Variants in EIF5B observed in about 807,000 individuals in gnomAD.
The protein encoded by EIF5B is eIF-5B.
In EIF5B, 47 loss-of-function variants were observed where a neutral mutation model predicts 147.5. The observed-to-expected ratio is 0.32, with a 90% confidence interval of 0.25 to 0.41. The LOEUF is 0.41. Among genes scored for constraint, EIF5B ranks in the 10% least tolerant of loss-of-function variants. The pLI is 1.00. For synonymous variants in EIF5B, 455 were observed against 456.2 expected (o/e 1.00, Z 0.03); for missense variants, 1,064 against 1,413.2 (o/e 0.75, Z 3.96).
intron 14 of EIF5B, among the ~76,000 whole-genome samples, chr2:99,388,295 G>T (rs1042039213): frequency 1.1e-4 from 17 of 151,462 alleles, no homozygotes; most frequent in South Asian, 2.1e-4. Flanking sequence ...CTTCTTTATT[G>T]TACTAACTAG....
intron 1 of EIF5B, among the ~76,000 whole-genome samples, chr2:99,345,628 C>G (rs2094271163): frequency 6.7e-6 from 1 of 150,298 alleles, no homozygotes; most frequent in African/African-American, 2.4e-5. Flanking sequence ...TCTAACATGC[C>G]TTTCTGGTTG....
intron 12 of EIF5B, among the ~76,000 whole-genome samples, chr2:99,381,832 G>C (rs1674695669): frequency 6.6e-6 from 1 of 152,080 alleles, no homozygotes; most frequent in Non-Finnish European, 1.5e-5. Context: ...TTGCATGTCA[G>C]ATTTCTATAG....
intron 21 of EIF5B, among the ~76,000 whole-genome samples, chr2:99,395,215 G>C (rs1034300645): frequency 6.6e-6 from 1 of 152,196 alleles, no homozygotes; most frequent in Non-Finnish European, 1.5e-5. Context: ...GGAAAACCGG[G>C]AAATAAGAGA....
intron 12 of EIF5B, among the ~76,000 whole-genome samples, chr2:99,381,381 T>C (rs1322389598): frequency 6.6e-6 from 1 of 152,214 alleles, no homozygotes; most frequent in African/African-American, 2.4e-5. Context: ...GAAATAATTA[T>C]GGTGCTCAGT....
chr2:99,355,553 A>G (rs750293335), intron 1 of EIF5B, among the ~76,000 whole-genome samples: 12 of 151,024 alleles, frequency 7.9e-5, no homozygotes, highest in Non-Finnish European at 1.6e-4. Flanking sequence ...AACTATAAGT[A>G]ATATGATTGT....
At chr2:99,345,401 T>C (rs12987823) in intron 1 of EIF5B, among the ~76,000 whole-genome samples, 2 of 151,992 alleles carry the variant, frequency 1.3e-5, no homozygotes, top group Admixed American at 1.3e-4. Context: ...GAGACCAGCC[T>C]GGCCAACATA....
At chr2:99,396,656 A>ACTTT (rs1326350626) in intron 21 of EIF5B, 104 bp from the exon 22 acceptor site, 1 of 1,415,516 alleles carries the variant, frequency 7.1e-7, no homozygotes, top group Non-Finnish European at 9.4e-7. Context: ...CGCTGGGGAA[A>ACTTT]GCTGCTTTCC....
In EIF5B at chr2:99,390,240, T is replaced by C; in HGVS notation, c.2425T>C (p.Tyr809His). 1.2e-6 allele frequency: 2 copies of C among 1,614,094 alleles called. No individual in the cohort carries two copies. The highest frequency in any genetic ancestry group is 4.5e-5 in the East Asian group (2 of 44,860). ...CTAGGGTTTGAATGCTGCTTTGTTT[T>C]ATGAGAATAAAGATCCCCGCACTTT... ...AQQGLNAALFYENKDPRTFVS... is the reference protein window; with the variant it reads ...AQQGLNAALFHENKDPRTFVS... The change falls in exon 16 of 24, where the codon TAT becomes CAT. Residue 809 changes from tyrosine (Y) to histidine (H), a missense_variant. Around this residue, in one of 4 missense-constraint regions of EIF5B, gnomAD observed 380 missense variants for 715.6 expected, o/e 0.53. Transcript: ENST00000289371.
In EIF5B at chr2:99,390,364, T is replaced by G. The variant is rs1674898332; in HGVS notation, c.2549T>G (p.Leu850Arg). 1 of 1,613,884 alleles carries G rather than the reference T, an allele frequency of 6.2e-7. No individual in the cohort carries two copies. The highest frequency in any genetic ancestry group is 1.7e-5 in the Admixed American group (1 of 59,996). ...ELTQTMLSKR[L>R]AHCEELRAQV... is the part of the protein sequence containing the mutation. ...ACTCAGACCATGTTGAGCAAGAGAC[T>G]TGCACACTGTGAAGAGCTGAGAGCA... Residue 850 changes from leucine (L) to arginine (R), a missense_variant, in exon 16 of 24, where the codon CTT (leucine) becomes CGT (arginine). Physicochemically the swap from Leu to Arg is moderately radical, Grantham distance 102. This residue lies in a region of EIF5B where 380 missense variants were observed against 715.6 expected (regional missense o/e 0.53). Transcript: ENST00000289371.
intron 14 of EIF5B, among the ~76,000 whole-genome samples, chr2:99,386,975 ATC>A (rs2104240275): frequency 6.6e-6 from 1 of 152,294 alleles, no homozygotes; most frequent in South Asian, 2.1e-4. Context: ...CAGTGGCATT[ATC>A]TCAGCTCACT....
intron 1 of EIF5B, among the ~76,000 whole-genome samples, chr2:99,346,772 G>A (rs1279883064): frequency 1.3e-5 from 2 of 150,902 alleles, no homozygotes; most frequent in African/African-American, 2.4e-5. Flanking sequence ...GGGTTTCATC[G>A]CGTTAGCCAG....
intron 9 of EIF5B, among the ~76,000 whole-genome samples, chr2:99,373,528 C>A (rs905060130): frequency 2.0e-5 from 3 of 152,102 alleles, no homozygotes; most frequent in Non-Finnish European, 4.4e-5. Context: ...CAAAACCTTC[C>A]CCACCACCCT....
intron 14 of EIF5B, among the ~76,000 whole-genome samples, chr2:99,385,195 C>T (rs1208594376): frequency 1.3e-5 from 2 of 152,042 alleles, no homozygotes; most frequent in African/African-American, 4.8e-5. Flanking sequence ...TACAGGCATG[C>T]GCCACCACTC....
intron 1 of EIF5B, among the ~76,000 whole-genome samples, chr2:99,342,122 G>A (rs1338795545): frequency 3.3e-5 from 5 of 152,174 alleles, no homozygotes; most frequent in African/African-American, 9.7e-5. Flanking sequence ...TTTGACCATC[G>A]TTCATGTATG....
chr2:99,399,623 C>T lies in EIF5B; in HGVS notation c.*209C>T. The T allele has an allele frequency of 4.0e-6, 2 of 505,734 alleles. No homozygotes were observed. The highest frequency in any genetic ancestry group is 4.4e-5 in the South Asian group (2 of 45,782). 31.3% of individuals were successfully genotyped at this position (505,734 alleles called of 1,614,324 possible). ...GGTCAGTTACATGTCCCCACAGTTC[C>T]AATGTGCCTGTTCACTCACCTCTCC... is the stretch of plus-strand genomic sequence containing the variant. On this transcript the variant is annotated 3_prime_UTR_variant, in exon 24 of 24. Coordinates refer to ENST00000289371, the MANE Select transcript of EIF5B (RefSeq NM_015904.4).
intron 1 of EIF5B, among the ~76,000 whole-genome samples, chr2:99,345,698 A>G (rs1574917668): frequency 1.3e-5 from 2 of 151,834 alleles, no homozygotes; most frequent in South Asian, 2.1e-4. Context: ...TAATCCCAGC[A>G]CTTTGGGAGG....
chr2:99,355,761 T>C (rs1674084688), intron 1 of EIF5B, among the ~76,000 whole-genome samples: 1 of 151,756 alleles, frequency 6.6e-6, no homozygotes, highest in Non-Finnish European at 1.5e-5. Context: ...TACAGGCATG[T>C]GCCACCACGT....
intron 15 of EIF5B, 44 bp downstream of exon 15, chr2:99,389,893 T>C (rs1674887580): frequency 6.4e-7 from 1 of 1,560,726 alleles, no homozygotes; most frequent in African/African-American, 1.4e-5. Flanking sequence ...TCTCAGAATA[T>C]GTATTATATT....
At chr2:99,352,837 A>G (rs904587961) in intron 1 of EIF5B, among the ~76,000 whole-genome samples, 2 of 151,740 alleles carry the variant, frequency 1.3e-5, no homozygotes, top group African/African-American at 2.4e-5. Flanking sequence ...ATAGATTCAT[A>G]TAGTTGAGAC....
Sources: allele counts gnomAD v4.1 joint callset (sites outside exome capture counted in the v4.1 genomes callset), GRCh38; gene constraint gnomAD v4.1.1; regional missense constraint gnomAD v4.1.1; transcripts MANE v1.5; gene names NCBI Gene and HGNC (gene_info 2026-07-23, HGNC 2026-07-21).